Variants in MAPK10 observed in about 807,000 individuals in gnomAD.
MAPK10 encodes mitogen-activated protein kinase 10, also known as JNK3 alpha protein kinase.
Under a neutral mutation model 59.3 loss-of-function variants are expected in MAPK10, and 25 were observed. The ratio of observed to expected loss-of-function variants is 0.42; its 90% CI spans 0.31 to 0.59. The LOEUF is 0.59. MAPK10 is among the 20% of genes least tolerant of loss of function. MAPK10 has a pLI of 0.15. For missense variants in MAPK10, 351 were observed against 568.9 expected, an observed-to-expected ratio of 0.62 and a Z score of 3.90; for synonymous variants, 190 against 200.5, an observed-to-expected ratio of 0.95 and a Z score of 0.44.
upstream of MAPK10, among the ~76,000 whole-genome samples, chr4:86,364,125 A>ATTTGT (rs1417961259): frequency 2.7e-5 from 4 of 146,298 alleles, no homozygotes; most frequent in African/African-American, 1.0e-4. Flanking sequence ...GTTGTTGTTG[A>ATTTGT]TTTGTTTTGT....
intron 4 of MAPK10, chr4:86,125,781 G>A (rs950501042): frequency 3.3e-5 from 5 of 152,114 alleles, no homozygotes; most frequent in Non-Finnish European, 7.4e-5. Context: ...GAGTGAAAGA[G>A]TTTATTGAGT....
At chr4:86,556,092 T>A (rs142516113) in intron 1 of MAPK10, among the ~76,000 whole-genome samples, 228 of 152,288 alleles carry the variant, frequency 1.5e-3, no homozygotes, top group Non-Finnish European at 2.8e-3. Flanking sequence ...ACCAAACACC[T>A]CCTGTGCCGT....
At chr4:86,184,101 T>A (rs1478024053) in intron 3 of MAPK10, among the ~76,000 whole-genome samples, 1 of 152,192 alleles carries the variant, frequency 6.6e-6, no homozygotes, top group Non-Finnish European at 1.5e-5. Flanking sequence ...GCCTGTTCAC[T>A]CTGATGGTAG....
At chr4:86,201,278 T>C (rs1229369956) in intron 2 of MAPK10, among the ~76,000 whole-genome samples, 1 of 151,926 alleles carries the variant, frequency 6.6e-6, no homozygotes, top group African/African-American at 2.4e-5. Flanking sequence ...TGAAGGAATA[T>C]GTTTAACTTT....
At chr4:86,516,477 T>C (rs572955339) in intron 1 of MAPK10, among the ~76,000 whole-genome samples, 1 of 152,208 alleles carries the variant, frequency 6.6e-6, no homozygotes, top group African/African-American at 2.4e-5. Context: ...TTTGGCAGTA[T>C]GGTCATTTTC....
intron 1 of MAPK10, among the ~76,000 whole-genome samples, chr4:86,549,227 G>A (rs189339055): frequency 5.9e-5 from 9 of 152,092 alleles, no homozygotes; most frequent in Admixed American, 4.6e-4. Flanking sequence ...AATACAGTCC[G>A]GCATCACTTA....
intron 11 of MAPK10, among the ~76,000 whole-genome samples, chr4:86,056,974 TA>T (rs1407474165): frequency 6.7e-6 from 1 of 148,642 alleles, no homozygotes; most frequent in Non-Finnish European, 1.5e-5. Context: ...TTATTTTATT[TA>T]TTTTTTTTAA....
At chr4:86,352,488 T>C (rs191152191) in intron 2 of MAPK10, among the ~76,000 whole-genome samples, 5 of 152,276 alleles carry the variant, frequency 3.3e-5, no homozygotes, top group Non-Finnish European at 7.4e-5. Flanking sequence ...AGCTGAAGCA[T>C]AGGCAGAACT....
At chr4:86,139,742 G>C (rs2063174009) in intron 4 of MAPK10, among the ~76,000 whole-genome samples, 1 of 151,950 alleles carries the variant, frequency 6.6e-6, no homozygotes, top group African/African-American at 2.4e-5. Context: ...CAGAGTAGCA[G>C]GCAACATACA....
At chr4:86,478,766 C>T (rs554818535) in intron 1 of MAPK10, among the ~76,000 whole-genome samples, 1 of 152,302 alleles carries the variant, frequency 6.6e-6, no homozygotes, top group South Asian at 2.1e-4. Context: ...CCAGATCACA[C>T]TTGGTTTATT....
intron 1 of MAPK10, among the ~76,000 whole-genome samples, chr4:86,581,145 G>A (rs1762233271): frequency 6.6e-6 from 1 of 151,902 alleles, no homozygotes; most frequent in African/African-American, 2.4e-5. Context: ...TGCATTTTAT[G>A]GATTCAACTT....
intron 9 of MAPK10, among the ~76,000 whole-genome samples, chr4:86,073,522 T>C (rs2048503887): frequency 8.1e-6 from 1 of 123,826 alleles, no homozygotes; most frequent in Admixed American, 8.0e-5. Context: ...CTTTCTCTTG[T>C]GGGCATTTAG....
intron 1 of MAPK10, among the ~76,000 whole-genome samples, chr4:86,495,168 G>T (rs113862594): frequency 0.048 from 7,359 of 152,228 alleles, 232 homozygotes; most frequent in African/African-American, 0.061. Flanking sequence ...TTGGGTTGAG[G>T]ATGTAGTCCA....
chr4:86,454,245 T>C (rs1046206804), upstream of MAPK10, among the ~76,000 whole-genome samples: 3 of 152,108 alleles, frequency 2.0e-5, no homozygotes, highest in African/African-American at 7.2e-5. Flanking sequence ...CTCTCCAGCA[T>C]TGGATCCAAA....
At chr4:86,196,026 C>T (rs943550740) in intron 2 of MAPK10, among the ~76,000 whole-genome samples, 10 of 152,200 alleles carry the variant, frequency 6.6e-5, no homozygotes, top group African/African-American at 2.4e-4. Flanking sequence ...CTGCAATAAA[C>T]ATAAGTGTGC....
chr4:86,528,209 A>G (rs1165896120), intron 1 of MAPK10, among the ~76,000 whole-genome samples: 1 of 152,236 alleles, frequency 6.6e-6, no homozygotes, highest in East Asian at 1.9e-4. Context: ...ACTTTGGAAA[A>G]GAAATGTAAC....
chr4:86,063,082 C>T (rs968511027), intron 11 of MAPK10, among the ~76,000 whole-genome samples: 4 of 152,122 alleles, frequency 2.6e-5, no homozygotes, highest in Non-Finnish European at 5.9e-5. Flanking sequence ...TCATTAATCA[C>T]TTAAGTGTTT....
intron 9 of MAPK10, among the ~76,000 whole-genome samples, chr4:86,084,333 G>A (rs1461329076): frequency 2.0e-5 from 3 of 152,158 alleles, no homozygotes; most frequent in African/African-American, 4.8e-5. Context: ...GTTTGCAGAT[G>A]ATATGATGTT....
chr4:86,424,135 T>G (rs1417136411), intron 1 of MAPK10, among the ~76,000 whole-genome samples: 1 of 152,194 alleles, frequency 6.6e-6, no homozygotes, highest in African/African-American at 2.4e-5. Context: ...CCACCAACTT[T>G]GCTTCCCACA....
Sources: allele counts gnomAD v4.1 joint callset (sites outside exome capture counted in the v4.1 genomes callset), GRCh38; gene constraint gnomAD v4.1.1; transcripts MANE v1.5; gene names NCBI Gene and HGNC (gene_info 2026-07-23, HGNC 2026-07-21).